MLLT1: variants seen among roughly 807,000 people sequenced by gnomAD.
The protein encoded by MLLT1 is protein ENL.
In MLLT1, 11 loss-of-function variants were observed where a neutral mutation model predicts 55.1. The ratio of observed to expected loss-of-function variants is 0.20; its 90% CI spans 0.13 to 0.33. The LOEUF (loss-of-function observed/expected upper bound fraction) is 0.33. MLLT1 is among the 10% of genes least tolerant of loss of function. The pLI is 1.00. For missense variants in MLLT1, 536 were observed against 760.6 expected, an observed-to-expected ratio of 0.70 and a Z score of 3.47; for synonymous variants, 323 against 320.1, an observed-to-expected ratio of 1.01 and a Z score of -0.10.
At chr19:6,252,465 C>A (rs2091224685) in intron 3 of MLLT1, among the ~76,000 whole-genome samples, 1 of 152,156 alleles carries the variant, frequency 6.6e-6, no homozygotes, top group Non-Finnish European at 1.5e-5. Flanking sequence ...GGAGAAAAAA[C>A]CCCAACAAAT....
intron 2 of MLLT1, among the ~76,000 whole-genome samples, chr19:6,266,936 A>G (rs948062960): frequency 1.3e-5 from 2 of 152,160 alleles, no homozygotes; most frequent in Admixed American, 1.3e-4. Context: ...AGGAAGGCAC[A>G]GAGAACCAGC....
chr19:6,256,707 T>C lies in MLLT1; in HGVS notation c.276+5521A>G. Among the ~76,000 whole-genome samples, 1 of 152,158 alleles carries C rather than the reference T, an allele frequency of 6.6e-6. No individual in the cohort carries two copies. Among genetic ancestry groups the C allele is most frequent in the Non-Finnish European group, 1.5e-5 (1 of 68,026 alleles). ...AGGCGGAGCTTGCAGTGAGCCGAGA[T>C]GGCGCCACTGCACTCTAGCCTGGGC... On this transcript the variant is annotated intron_variant, in intron 3 of 11. Coordinates refer to ENST00000252674, the MANE Select transcript of MLLT1 (RefSeq NM_005934.4). This position sits in a 1 kb window ranked among gnomAD's most constrained non-coding sequence, Gnocchi z 4.1.
At chr19:6,239,483 C>G (rs927757740) in intron 3 of MLLT1, among the ~76,000 whole-genome samples, 2 of 152,156 alleles carry the variant, frequency 1.3e-5, no homozygotes, top group Non-Finnish European at 2.9e-5. Flanking sequence ...CCTGTGCTGA[C>G]GCCGGAGGGC....
rs2090775590 is a variant in MLLT1, at chr19:6,211,853, T to G, written c.*1189A>C. On this transcript the variant is annotated 3_prime_UTR_variant, in exon 12 of 12. Coordinates refer to ENST00000252674, the MANE Select transcript of MLLT1 (RefSeq NM_005934.4). The surrounding 1 kb of genome is among the most constrained non-coding windows in gnomAD (Gnocchi z 4.6). ...TGGAGAATCTCAGGCATACCAGGAG[T>G]GGGGCTGCGGGCGCGGCACCAGCAT... 9.4e-7 allele frequency: 1 copy of G among 1,063,070 alleles called. No individual in the cohort carries two copies. 65.9% of individuals were successfully genotyped at this position (1,063,070 alleles called of 1,614,324 possible). A position where few individuals can be genotyped will look rare whatever the true frequency, so the allele number is the denominator to read the frequency against.
At position 6,243,463 on chromosome 19, in the gene MLLT1, C is replaced by T. The variant is rs569187655; in HGVS notation, c.277-12750G>A. 3.9e-5 allele frequency among the ~76,000 whole-genome samples: 6 copies of T among 152,348 alleles called. No homozygotes were observed. In the South Asian group the frequency reaches 1.2e-3, roughly 32 times the overall value. On this transcript the variant is annotated intron_variant, in intron 3 of 11. Transcript: ENST00000252674. ...TGCATTATAATGTCACTGACCTACT[C>T]CAGAACATCATGGGACAGGCGTGGG...
chr19:6,244,977 T>TA (rs2091153147), intron 3 of MLLT1, among the ~76,000 whole-genome samples: 1 of 152,054 alleles, frequency 6.6e-6, no homozygotes, highest in Non-Finnish European at 1.5e-5. Context: ...AGAACCCTCA[T>TA]ACCCGGCTGG....
intron 3 of MLLT1, among the ~76,000 whole-genome samples, chr19:6,259,956 T>C (rs2091290157): frequency 6.6e-6 from 1 of 152,158 alleles, no homozygotes; most frequent in African/African-American, 2.4e-5. Context: ...AGAAAACATC[T>C]TAACCCAACT....
chr19:6,250,759 T>C (rs1290920978), intron 3 of MLLT1, among the ~76,000 whole-genome samples: 2 of 152,112 alleles, frequency 1.3e-5, no homozygotes, highest in African/African-American at 4.8e-5. Context: ...CCCAAAGGAA[T>C]TGAAACCTGG....
chr19:6,252,733 A>G (rs1027143370), intron 3 of MLLT1, among the ~76,000 whole-genome samples: 1 of 152,222 alleles, frequency 6.6e-6, no homozygotes, highest in Non-Finnish European at 1.5e-5. Context: ...AAAATACGCA[A>G]TAAAAGGCAT....
intron 8 of MLLT1, among the ~76,000 whole-genome samples, chr19:6,216,044 C>A (rs909252743): frequency 1.3e-5 from 2 of 152,106 alleles, no homozygotes; most frequent in African/African-American, 4.8e-5. Flanking sequence ...AGTCTCCTGG[C>A]CCAAGAGCAG....
At chr19:6,238,466 A>T (rs1429166640) in intron 3 of MLLT1, among the ~76,000 whole-genome samples, 4 of 152,244 alleles carry the variant, frequency 2.6e-5, no homozygotes, top group Non-Finnish European at 5.9e-5. Context: ...AAAGCACCCC[A>T]TGCAGGCTGG....
In MLLT1 at chr19:6,222,608, T is replaced by C. The variant is rs992837879; in HGVS notation, c.623A>G (p.Asp208Gly). The C allele has an allele frequency of 6.3e-6, 10 of 1,596,098 alleles. No homozygotes were observed. The highest frequency in any genetic ancestry group is 8.5e-6 in the Non-Finnish European group (10 of 1,177,130). Residue 208 changes from aspartate (D) to glycine (G), a missense_variant, in exon 6 of 12, where the codon GAC (aspartate) becomes GGC (glycine). Around this residue, in one of 3 missense-constraint regions of MLLT1, gnomAD observed 449 missense variants for 489.0 expected, o/e 0.92. Coordinates refer to ENST00000252674, the MANE Select transcript of MLLT1 (RefSeq NM_005934.4). This position sits in a 1 kb window ranked among gnomAD's most constrained non-coding sequence, Gnocchi z 4.1. The stretch of plus-strand genomic sequence containing the variant: ...CTTGGAGGAGCTCTTGCTCTCGGAG[T>C]CTTTGCGGGGCCGCTCCCGGTGCTC... ...TKEHRERPRK[D>G]SESKSSSKEL...
chr19:6,222,762 C>T lies in MLLT1; in HGVS notation c.547-78G>A, dbSNP rs1479183474. 3 of 1,234,028 alleles carry T rather than the reference C, an allele frequency of 2.4e-6. No homozygotes were observed. Among genetic ancestry groups the T allele is most frequent in the African/African-American group, 1.5e-5 (1 of 65,634 alleles). 76.4% of individuals were successfully genotyped at this position (1,234,028 alleles called of 1,614,324 possible). A position where few individuals can be genotyped will look rare whatever the true frequency, so the allele number is the denominator to read the frequency against. ...TGCGGGGCGCCCTGCTCCGCCACCC[C>T]TGACCCCTACAAAGCATAATCCACC... On this transcript the variant is annotated intron_variant, in intron 5 of 11. Transcript: ENST00000252674. This position sits in a 1 kb window ranked among gnomAD's most constrained non-coding sequence, Gnocchi z 4.1.
Position 6,229,293 on chromosome 19 carries a change from C to A in MLLT1, c.420+1277G>T, listed in dbSNP as rs2090983496. The stretch of plus-strand genomic sequence containing the variant: ...TAGGCCCACGCCGGCACTGCCCTCC[C>A]CGGATCAGAACCACAAGCAGGGCTT... On this transcript the variant is annotated intron_variant, in intron 4 of 11. Transcript: ENST00000252674. The surrounding 1 kb of genome is among the most constrained non-coding windows in gnomAD (Gnocchi z 5.2). Among the ~76,000 whole-genome samples, 1 of 152,168 alleles carries A rather than the reference C, an allele frequency of 6.6e-6. No homozygotes were observed. Among genetic ancestry groups the A allele is most frequent in the Admixed American group, 6.5e-5 (1 of 15,276 alleles).
chr19:6,237,661 C>T (rs895773934), intron 3 of MLLT1, among the ~76,000 whole-genome samples: 2 of 149,276 alleles, frequency 1.3e-5, no homozygotes, highest in Non-Finnish European at 3.0e-5. Context: ...CCCAGCTACT[C>T]GGGAGGCTGA....
chr19:6,223,923 T>C (rs1362576878), intron 5 of MLLT1, among the ~76,000 whole-genome samples: 1 of 152,080 alleles, frequency 6.6e-6, no homozygotes, highest in Admixed American at 6.5e-5. Context: ...CAGACAATTG[T>C]GTACCTGGCC....
At chr19:6,248,021 G>A (rs930540476) in intron 3 of MLLT1, among the ~76,000 whole-genome samples, 5 of 152,198 alleles carry the variant, frequency 3.3e-5, no homozygotes, top group Admixed American at 3.3e-4. Context: ...CTCCCAGGTA[G>A]CTGGAACTAC....
chr19:6,271,606 G>C (rs1310985478), intron 1 of MLLT1, among the ~76,000 whole-genome samples: 1 of 152,152 alleles, frequency 6.6e-6, no homozygotes, highest in Admixed American at 6.5e-5. Flanking sequence ...TTCATACCTA[G>C]GTTGGCCAAA....
intron 2 of MLLT1, among the ~76,000 whole-genome samples, chr19:6,264,216 C>G (rs2091327918): frequency 1.3e-5 from 2 of 152,198 alleles, no homozygotes. Context: ...TCCCTCCTGC[C>G]CATCCTCCTT....
Sources: allele counts gnomAD v4.1 joint callset (sites outside exome capture counted in the v4.1 genomes callset), GRCh38; gene constraint gnomAD v4.1.1; regional missense constraint gnomAD v4.1.1; non-coding constraint Gnocchi (gnomAD v3.1); transcripts MANE v1.5; gene names NCBI Gene and HGNC (gene_info 2026-07-23, HGNC 2026-07-21).